PCDHAC1: variants seen among roughly 807,000 people sequenced by gnomAD.
PCDHAC1 encodes the protein protocadherin alpha-C1.
PCDHAC1 carries 42 observed loss-of-function variants against 60.0 expected under a neutral mutation model. The observed-to-expected ratio is 0.70, with a 90% confidence interval of 0.55 to 0.90. The LOEUF (loss-of-function observed/expected upper bound fraction) is 0.90, where lower values mean the gene tolerates loss of function less well. PCDHAC1 is among the 40% of genes least tolerant of loss of function. PCDHAC1 has a pLI of 0.00. For missense variants in PCDHAC1, 1,160 were observed against 1,222.3 expected, an observed-to-expected ratio of 0.95 and a Z score of 0.76; for synonymous variants, 468 against 499.3, an observed-to-expected ratio of 0.94 and a Z score of 0.84.
Position 140,929,174 on chromosome 5 carries a change from G to C in PCDHAC1, c.2282G>C (p.Gly761Ala). ...ACTTATCTCTATCGGGCCTCTCTGG[G>C]ACTTGGTTCTGATAATAACAGTTTG... ...SQTYLYRASL[G>A]LGSDNNSLLL... The change falls in exon 1 of 4, where the codon GGA becomes GCA. Residue 761 changes from glycine (G) to alanine (A), a missense_variant. Gly to Ala is a moderately conservative substitution (Grantham distance 60). This residue lies in a region of PCDHAC1 where 1,113 missense variants were observed against 1,163.7 expected (regional missense o/e 0.96). Transcript: ENST00000253807. 1 of 1,614,140 alleles carries C rather than the reference G, an allele frequency of 6.2e-7. No individual in the cohort carries two copies. Among genetic ancestry groups the C allele is most frequent in the South Asian group, 1.1e-5 (1 of 91,082 alleles).
chr5:140,955,220 A>T (rs1016918569), intron 1 of PCDHAC1, among the ~76,000 whole-genome samples: 1 of 152,130 alleles, frequency 6.6e-6, no homozygotes, highest in Non-Finnish European at 1.5e-5. Flanking sequence ...TGATGCCTCC[A>T]GCTTTGTTCT....
chr5:141,000,387 CTCTCTCTCTATATATA>C (rs1282156924), intron 3 of PCDHAC1, among the ~76,000 whole-genome samples: 8 of 66,888 alleles, frequency 1.2e-4, no homozygotes, highest in African/African-American at 4.0e-4. Flanking sequence ...CTCTCTCTCT[CTCTCTCTCTATATATA>C]TATATATATA....
chr5:140,966,885 C>A (rs1554228854), intron 1 of PCDHAC1: 1 of 1,590,816 alleles, frequency 6.3e-7, no homozygotes, highest in Admixed American at 1.7e-5. Flanking sequence ...CCTGGCCCTG[C>A]GGCCTCCCAG....
intron 1 of PCDHAC1, among the ~76,000 whole-genome samples, chr5:140,947,315 C>CGGTT (rs1443576978): frequency 4.0e-5 from 6 of 151,444 alleles, no homozygotes; most frequent in African/African-American, 1.5e-4. Flanking sequence ...TGTAAAAAGT[C>CGGTT]GGTTGACCAT....
At chr5:140,996,275 C>T (rs534624070) in intron 3 of PCDHAC1, among the ~76,000 whole-genome samples, 43 of 152,224 alleles carry the variant, frequency 2.8e-4, no homozygotes, top group African/African-American at 8.7e-4. Flanking sequence ...GGGATTGCTG[C>T]CAAATTTCAA....
At chr5:140,966,631 G>A in intron 1 of PCDHAC1, 1 of 995,532 alleles carries the variant, frequency 1.0e-6, no homozygotes, top group Non-Finnish European at 1.4e-6. Flanking sequence ...AGCGGCCCCA[G>A]GCGCTTTCTA....
chr5:140,949,915 T>A (rs1459531816), intron 1 of PCDHAC1, among the ~76,000 whole-genome samples: 1 of 151,274 alleles, frequency 6.6e-6, no homozygotes, highest in African/African-American at 2.4e-5. Context: ...TAGATATAAC[T>A]ATTTTTAGAT....
At chr5:140,998,721 C>G (rs987484967) in intron 3 of PCDHAC1, among the ~76,000 whole-genome samples, 1 of 152,084 alleles carries the variant, frequency 6.6e-6, no homozygotes, top group Non-Finnish European at 1.5e-5. Context: ...TGCACCACCA[C>G]GCTAGGCTAA....
intron 3 of PCDHAC1, among the ~76,000 whole-genome samples, chr5:140,988,762 C>T (rs546274253): frequency 6.6e-6 from 1 of 152,308 alleles, no homozygotes; most frequent in South Asian, 2.1e-4. Context: ...GGGCAGAATA[C>T]AGTCATGGTT....
At chr5:140,988,989 G>C (rs981946293) in intron 3 of PCDHAC1, 1 of 152,184 alleles carries the variant, frequency 6.6e-6, no homozygotes, top group Admixed American at 6.5e-5. Flanking sequence ...CTAATGCAGG[G>C]TAAGGAAATA....
intron 1 of PCDHAC1, among the ~76,000 whole-genome samples, chr5:140,962,147 T>C (rs2095660496): frequency 1.3e-5 from 2 of 152,176 alleles, no homozygotes; most frequent in South Asian, 4.1e-4. Context: ...AGTGCTGGGA[T>C]TACAGGCGTG....
chr5:141,009,745 A>G lies in PCDHAC1; in HGVS notation c.2700A>G (p.Lys900=). The G allele has an allele frequency of 6.2e-7, 1 of 1,614,104 alleles. No individual in the cohort carries two copies. The highest frequency in any genetic ancestry group is 8.5e-7 in the Non-Finnish European group (1 of 1,180,006). The part of the protein sequence containing the change: ...KQSGPGELPD[K]FIIPGSPAII... ...CCGGTCCCGGTGAGTTGCCCGACAA[A>G]TTCATTATCCCAGGATCTCCTGCAA... Residue 900 remains lysine, a synonymous_variant, in exon 4 of 4, where the codon AAA becomes AAG. Coordinates refer to ENST00000253807, the MANE Select transcript of PCDHAC1 (RefSeq NM_018898.5).
intron 1 of PCDHAC1, among the ~76,000 whole-genome samples, chr5:140,945,881 A>C (rs1334626828): frequency 6.6e-6 from 1 of 152,158 alleles, no homozygotes; most frequent in African/African-American, 2.4e-5. Flanking sequence ...AAAACTAACA[A>C]AGAAAACACA....
intron 1 of PCDHAC1, chr5:140,968,133 A>G (rs782213191): frequency 1.5e-5 from 24 of 1,614,022 alleles, no homozygotes; most frequent in Middle Eastern, 3.3e-4. Flanking sequence ...CGTACACTGA[A>G]GGTTGAGATC....
At position 140,926,622 on chromosome 5, in the gene PCDHAC1, G is replaced by A; in HGVS notation, c.-271G>A. The A allele has an allele frequency of 2.5e-6, 1 of 396,424 alleles. No individual in the cohort carries two copies. 24.6% of individuals were successfully genotyped at this position (396,424 alleles called of 1,614,324 possible). A position where few individuals can be genotyped will look rare whatever the true frequency, so the allele number is the denominator to read the frequency against. The stretch of plus-strand genomic sequence containing the variant: ...GGCCTCGTCTCTGCACCCCTAGGCG[G>A]CGCTGCGCTCCTCAACACCCGGCCG... On this transcript the variant is annotated 5_prime_UTR_variant, in exon 1 of 4. Coordinates refer to ENST00000253807, the MANE Select transcript of PCDHAC1 (RefSeq NM_018898.5).
chr5:140,982,224 A>T, intron 2 of PCDHAC1: 1 of 587,320 alleles, frequency 1.7e-6, no homozygotes, highest in South Asian at 3.8e-5. Context: ...TGGCGTTAAT[A>T]AAAAACAGAA....
rs1167461963 is a variant in PCDHAC1 at position 140,968,386 on chromosome 5, G to A, written c.2434-10563G>A. 2.5e-6 allele frequency: 4 copies of A among 1,613,910 alleles called. No homozygotes were observed. The African/African-American group carries it at 4.0e-5, about 16-fold the overall frequency. On this transcript the variant is annotated intron_variant, in intron 1 of 3. Transcript: ENST00000253807. ...ATGCTGTCAACTCCTTTGACTATGA[G>A]AAGTTTCGGGAGTTCTTTGTGACTG...
chr5:140,935,765 A>G (rs1554210670), intron 1 of PCDHAC1, among the ~76,000 whole-genome samples: 1 of 152,080 alleles, frequency 6.6e-6, no homozygotes, highest in Non-Finnish European at 1.5e-5. Flanking sequence ...ATTCTTCCCC[A>G]CTTTGAGTTT....
intron 1 of PCDHAC1, among the ~76,000 whole-genome samples, chr5:140,941,216 T>TTTCTTTCTTTCTTTCTTTC (rs2092891567): frequency 8.0e-6 from 1 of 124,950 alleles, no homozygotes; most frequent in East Asian, 2.2e-4. Context: ...TCTTTCTTCC[T>TTTCTTTCTTTCTTTCTTTC]TTCTTTCTTT....
Sources: gnomAD v4.1 joint callset for allele counts (sites outside exome capture counted in the v4.1 genomes callset) on GRCh38, gnomAD v4.1.1 for gene constraint, gnomAD v4.1.1 regional missense constraint, MANE v1.5 for transcripts, NCBI Gene and HGNC (gene_info 2026-07-23, HGNC 2026-07-21) for gene names.